ARHGAP26: variants seen among roughly 807,000 people sequenced by gnomAD.
The protein encoded by ARHGAP26 is Rho GTPase activating protein 26.
ARHGAP26 carries 38 observed loss-of-function variants against 104.8 expected under a neutral mutation model. The ratio of observed to expected loss-of-function variants is 0.36; its 90% CI spans 0.28 to 0.48. ARHGAP26 has a LOEUF of 0.48. Ranked by LOEUF, ARHGAP26 falls within the 20% of genes least tolerant of loss-of-function variation. The pLI is 0.99. For synonymous variants in ARHGAP26, 341 were observed against 340.0 expected (o/e 1.00, Z -0.03); for missense variants, 704 against 947.9 (o/e 0.74, Z 3.38).
intron 6 of ARHGAP26, among the ~76,000 whole-genome samples, chr5:142,897,652 G>A (rs1359099376): frequency 6.6e-6 from 1 of 152,212 alleles, no homozygotes; most frequent in Non-Finnish European, 1.5e-5. Flanking sequence ...GGAAGAACAT[G>A]AAATAACAAT....
chr5:143,183,511 G>A (rs1302617448), intron 20 of ARHGAP26, among the ~76,000 whole-genome samples: 3 of 152,228 alleles, frequency 2.0e-5, no homozygotes, highest in South Asian at 2.1e-4. Context: ...CCCACCGGGA[G>A]TTGGCCTTAT....
At chr5:143,110,890 A>G (rs530586781) in intron 17 of ARHGAP26, among the ~76,000 whole-genome samples, 6 of 152,202 alleles carry the variant, frequency 3.9e-5, no homozygotes, top group African/African-American at 1.4e-4. Context: ...CCAGGATGAG[A>G]TAGGTGAAAG....
At chr5:143,007,727 T>G (rs1283081292) in intron 11 of ARHGAP26, among the ~76,000 whole-genome samples, 2 of 152,224 alleles carry the variant, frequency 1.3e-5, no homozygotes, top group Non-Finnish European at 2.9e-5. Flanking sequence ...GGCTTGAGGA[T>G]GAAATAAAAT....
rs73288116 is a variant in ARHGAP26 at position 143,109,124 on chromosome 5, G to A, written c.1539-11864G>A. On this transcript the variant is annotated intron_variant, in intron 17 of 22. Transcript: ENST00000645722. ...CTCTACAAATATTAATATTGGTGCT[G>A]ATCATGGGTGGCTATTAGCTGGGTA... 4.7e-3 allele frequency among the ~76,000 whole-genome samples: 723 copies of A among 152,332 alleles called. 3 individuals carry two copies. The highest frequency in any genetic ancestry group is 0.017 in the African/African-American group (688 of 41,566).
At chr5:142,936,796 G>A (rs764869762) in intron 11 of ARHGAP26, among the ~76,000 whole-genome samples, 3 of 150,140 alleles carry the variant, frequency 2.0e-5, no homozygotes, top group Non-Finnish European at 4.4e-5. Context: ...TTGAGAAATG[G>A]TGCTTTTTAG....
intron 21 of ARHGAP26, 37 bp downstream of exon 21, chr5:143,207,345 CGTT>C (rs1808726086): frequency 6.2e-7 from 1 of 1,614,044 alleles, no homozygotes; most frequent in South Asian, 1.1e-5. Flanking sequence ...CTGTTGCTGC[CGTT>C]GTTCTCTCAT....
intron 5 of ARHGAP26, among the ~76,000 whole-genome samples, chr5:142,890,745 T>G (rs943200632): frequency 6.6e-6 from 1 of 152,138 alleles, no homozygotes; most frequent in East Asian, 1.9e-4. Context: ...CGGGACACTT[T>G]CCAGTTTTCA....
At chr5:143,195,078 G>A (rs754328624) in intron 20 of ARHGAP26, among the ~76,000 whole-genome samples, 3 of 152,200 alleles carry the variant, frequency 2.0e-5, no homozygotes, top group African/African-American at 7.2e-5. Flanking sequence ...GCTGCTACTC[G>A]CTTGGAGGGA....
At chr5:142,975,109 G>A (rs923139987) in intron 11 of ARHGAP26, among the ~76,000 whole-genome samples, 1 of 152,106 alleles carries the variant, frequency 6.6e-6, no homozygotes, top group Non-Finnish European at 1.5e-5. Context: ...TTACACATGG[G>A]GTGGTCGAGG....
intron 17 of ARHGAP26, among the ~76,000 whole-genome samples, chr5:143,112,104 T>C (rs896621437): frequency 6.6e-6 from 1 of 152,302 alleles, no homozygotes; most frequent in South Asian, 2.1e-4. Context: ...CTCTGCTAAG[T>C]AGGGGAGACA....
At chr5:142,779,821 C>T (rs751176620) in intron 1 of ARHGAP26, among the ~76,000 whole-genome samples, 24 of 152,142 alleles carry the variant, frequency 1.6e-4, no homozygotes, top group African/African-American at 5.3e-4. Context: ...TTCCTGACTG[C>T]GTATCTCGTT....
chr5:143,225,652 G>T lies in ARHGAP26; in HGVS notation c.*3206G>T, dbSNP rs1212215855. 2 of 221,598 alleles carry T rather than the reference G, an allele frequency of 9.0e-6. No individual in the cohort carries two copies. Among genetic ancestry groups the T allele is most frequent in the Non-Finnish European group, 1.8e-5 (2 of 110,534 alleles). 13.7% of individuals were successfully genotyped at this position (221,598 alleles called of 1,614,324 possible). ...TTGGAAGCATGTCCCTCCCTCTTGA[G>T]TTGGCTCTGATTTGAAATCGGGAGA... On this transcript the variant is annotated 3_prime_UTR_variant, in exon 23 of 23. Transcript: ENST00000645722.
In ARHGAP26 at chr5:142,948,651, CT is replaced by C. The variant is rs200386668; in HGVS notation, c.1107+16538del. ...GACAATTCCTATACTTTCCTTAGCT[CT>C]TTTTTTTTTTTAAGAACATTAAAAA... On this transcript the variant is annotated intron_variant, in intron 11 of 22. Transcript: ENST00000645722. Among the ~76,000 whole-genome samples the C allele has an allele frequency of 3.1e-3, 441 of 140,630 alleles. 1 individual carries two copies. The highest frequency in any genetic ancestry group is 5.9e-3 in the East Asian group (29 of 4,912). The allele number at this position is 140,630 out of a possible 152,430, so 92.3% of individuals were successfully genotyped here.
intron 18 of ARHGAP26, among the ~76,000 whole-genome samples, chr5:143,128,742 A>G (rs113720028): frequency 0.02 from 3,090 of 152,204 alleles, 114 homozygotes; most frequent in African/African-American, 0.071. Flanking sequence ...AACCAATCCC[A>G]CATTACTAGG....
Position 142,929,796 on chromosome 5 carries a change from G to A in ARHGAP26, c.1029-2251G>A, listed in dbSNP as rs13167638. Among the ~76,000 whole-genome samples, 1,168 of 152,290 alleles carry A rather than the reference G, an allele frequency of 7.7e-3. 22 individuals carry two copies. The highest frequency in any genetic ancestry group is 0.025 in the African/African-American group (1,059 of 41,548). On this transcript the variant is annotated intron_variant, in intron 10 of 22. Transcript: ENST00000645722. The stretch of plus-strand genomic sequence containing the variant: ...ATATATGTGAGCCCCTGAGACCTTG[G>A]TATGTAGACAGCTCTTGTGATCTCA...
chr5:142,964,554 A>G (rs886481790), intron 11 of ARHGAP26, among the ~76,000 whole-genome samples: 2 of 150,528 alleles, frequency 1.3e-5, no homozygotes, highest in African/African-American at 4.9e-5. Context: ...ACACACACAC[A>G]CACACACACA....
At chr5:143,220,167 C>G (rs144959128) in intron 22 of ARHGAP26, among the ~76,000 whole-genome samples, 84 of 152,264 alleles carry the variant, frequency 5.5e-4, no homozygotes, top group Middle Eastern at 6.8e-3. Flanking sequence ...GCGGGAGGGC[C>G]TGGTTTTTGT....
At chr5:143,135,496 C>CT (rs1386338583) in intron 19 of ARHGAP26, among the ~76,000 whole-genome samples, 1 of 152,106 alleles carries the variant, frequency 6.6e-6, no homozygotes, top group African/African-American at 2.4e-5. Context: ...TGGTATCTTT[C>CT]TTTTTGTCAC....
At chr5:143,098,018 G>T (rs1792663427) in intron 17 of ARHGAP26, among the ~76,000 whole-genome samples, 1 of 151,936 alleles carries the variant, frequency 6.6e-6, no homozygotes, top group South Asian at 2.1e-4. Context: ...TTCTGCCTTG[G>T]AATCTTCTCA....
Sources: gnomAD v4.1 joint callset for allele counts (sites outside exome capture counted in the v4.1 genomes callset) on GRCh38, gnomAD v4.1.1 for gene constraint, MANE v1.5 for transcripts, NCBI Gene and HGNC (gene_info 2026-07-23, HGNC 2026-07-21) for gene names.